Variants in CCDC14 observed in about 807,000 individuals in gnomAD.
CCDC14 encodes coiled-coil domain-containing protein 14.
CCDC14 carries 71 observed loss-of-function variants against 81.4 expected under a neutral mutation model. The ratio of observed to expected loss-of-function variants is 0.87; its 90% CI spans 0.72 to 1.06. CCDC14 has a LOEUF of 1.06. Among genes scored for constraint, CCDC14 ranks in the 50% least tolerant of loss-of-function variants. CCDC14 has a pLI of 0.00. For synonymous variants in CCDC14, 332 were observed against 364.8 expected, an observed-to-expected ratio of 0.91 and a Z score of 1.03; for missense variants, 1,046 against 1,047.3, an observed-to-expected ratio of 1.00 and a Z score of 0.02.
At chr3:123,936,902 C>T (rs2036086879) in intron 9 of CCDC14, among the ~76,000 whole-genome samples, 1 of 152,008 alleles carries the variant, frequency 6.6e-6, no homozygotes, top group Non-Finnish European at 1.5e-5. Flanking sequence ...TTTCATAACT[C>T]TCTCCTCCCA....
Position 123,949,075 on chromosome 3 carries a change from T to C in CCDC14, c.410A>G (p.Asp137Gly). Residue 137 changes from aspartate (D) to glycine (G), a missense_variant, in exon 6 of 13, where the codon GAC (aspartate) becomes GGC (glycine). By Grantham distance (94) the Asp-to-Gly change is moderately conservative. Transcript: ENST00000409697. Reference protein sequence around the residue: ...PNEASARSERDTSDLEQNWSL... With the variant: ...PNEASARSERGTSDLEQNWSL... ...CCAGTTTTGCTCTAGGTCTGATGTG[T>C]CTCTTTCACTTCTAGCAGAAGCTTC... 6.2e-7 allele frequency: 1 copy of C among 1,612,870 alleles called. No individual in the cohort carries two copies. Among genetic ancestry groups the C allele is most frequent in the African/African-American group, 1.3e-5 (1 of 75,048 alleles).
At chr3:123,935,464 A>G (rs937308234) in intron 9 of CCDC14, among the ~76,000 whole-genome samples, 11 of 152,238 alleles carry the variant, frequency 7.2e-5, no homozygotes, top group African/African-American at 2.7e-4. Flanking sequence ...TTGTAGATAC[A>G]TACAAGGATG....
At chr3:123,886,350 T>C in the CCDC14 span, among the ~76,000 whole-genome samples, 1 of 148,810 alleles carries the variant, frequency 6.7e-6, no homozygotes, top group East Asian at 1.9e-4. Flanking sequence ...CTCTCTCTTT[T>C]TCTTTCTTTT....
At chr3:123,923,979 A>C (rs976215815) in intron 12 of CCDC14, among the ~76,000 whole-genome samples, 4 of 151,042 alleles carry the variant, frequency 2.6e-5, no homozygotes, top group Admixed American at 1.3e-4. Context: ...AAAAAAAAAA[A>C]ACCCTTGAAA....
intron 9 of CCDC14, 32 bp from the exon 10 acceptor site, chr3:123,933,787 G>C: frequency 7.0e-7 from 1 of 1,431,862 alleles, no homozygotes; most frequent in Non-Finnish European, 9.6e-7. Flanking sequence ...ATGAATGCAA[G>C]CATACCAAGC....
chr3:123,950,720 G>C (rs911489221), intron 5 of CCDC14, among the ~76,000 whole-genome samples: 11 of 151,466 alleles, frequency 7.3e-5, no homozygotes, highest in African/African-American at 2.4e-4. Context: ...TGGCTACAGG[G>C]GTGTATACGT....
chr3:123,897,764 T>C (rs2034097403), intron 5 of CCDC14, among the ~76,000 whole-genome samples: 1 of 152,158 alleles, frequency 6.6e-6, no homozygotes, highest in Non-Finnish European at 1.5e-5. Context: ...ATACCTCCAT[T>C]CTAAAAACAC....
intron 9 of CCDC14, among the ~76,000 whole-genome samples, chr3:123,934,244 C>T (rs2035923341): frequency 8.5e-6 from 1 of 117,014 alleles, no homozygotes; most frequent in South Asian, 2.9e-4. Context: ...TGCATTCCAG[C>T]CTGGCGAAAG....
intron 9 of CCDC14, among the ~76,000 whole-genome samples, chr3:123,938,261 G>A (rs1327610797): frequency 6.6e-6 from 1 of 151,706 alleles, no homozygotes; most frequent in African/African-American, 2.4e-5. Context: ...TATGGATCTG[G>A]TTTATCTCTC....
chr3:123,933,815 T>C (rs2035891258), intron 9 of CCDC14, 60 bp from the exon 10 acceptor site: 5 of 1,066,658 alleles, frequency 4.7e-6, no homozygotes, highest in East Asian at 2.6e-5. Flanking sequence ...ATAGTATACA[T>C]GTGATAGCCT....
At chr3:123,899,121 T>A in intron 5 of CCDC14, among the ~76,000 whole-genome samples, 1 of 152,224 alleles carries the variant, frequency 6.6e-6, no homozygotes, top group East Asian at 1.9e-4. Flanking sequence ...GAAGTATAAA[T>A]GGAAAGAGCT....
chr3:123,937,604 A>C (rs988814055), intron 9 of CCDC14, among the ~76,000 whole-genome samples: 3 of 151,870 alleles, frequency 2.0e-5, no homozygotes, highest in African/African-American at 7.2e-5. Context: ...ATTTTCTCTC[A>C]GTCTGTTGGT....
rs575509181 is a variant in CCDC14, at chr3:123,917,520, A to G, written c.1779-1802T>C. On this transcript the variant is annotated intron_variant, in intron 12 of 12. Transcript: ENST00000409697. ...AACCAAAAAAAAAAACAAAAAACAA[A>G]AAAACCCAAAAAACCAATTTAAACA... Among the ~76,000 whole-genome samples, 392 of 150,592 alleles carry G rather than the reference A, an allele frequency of 2.6e-3. 2 individuals are homozygous for G. Among genetic ancestry groups the G allele is most frequent in the African/African-American group, 9.4e-3 (381 of 40,716 alleles).
intron 5 of CCDC14, chr3:123,954,249 ACT>A (rs1249682569): frequency 1.3e-5 from 2 of 152,090 alleles, no homozygotes; most frequent in Non-Finnish European, 2.9e-5. Flanking sequence ...AGGGTTTAGC[ACT>A]CTTTCTTCAA....
At position 123,945,885 on chromosome 3, in the gene CCDC14, A is replaced by C. The variant is rs1026689044; in HGVS notation, c.1202-895T>G. On this transcript the variant is annotated intron_variant, in intron 8 of 12. Coordinates refer to ENST00000409697, the MANE Select transcript of CCDC14 (RefSeq NM_001366335.1). ...GAGTCTCAGTTTCCTCATCAGTAAA[A>C]TGGGAGTGGTAACAGTACCACATAG... is the stretch of plus-strand genomic sequence containing the variant. Among the ~76,000 whole-genome samples the C allele has an allele frequency of 2.0e-5, 3 of 152,248 alleles. No homozygotes were observed. In the East Asian group the frequency reaches 5.8e-4, roughly 29 times the overall value.
chr3:123,923,409 A>G (rs1251344072), intron 12 of CCDC14, among the ~76,000 whole-genome samples: 1 of 152,050 alleles, frequency 6.6e-6, no homozygotes, highest in Non-Finnish European at 1.5e-5. Context: ...TCTTTTCAAC[A>G]TATTACTGGA....
chr3:123,934,067 G>A (rs2035908492), intron 9 of CCDC14, among the ~76,000 whole-genome samples: 1 of 152,064 alleles, frequency 6.6e-6, no homozygotes, highest in African/African-American at 2.4e-5. Flanking sequence ...GAGGTCAGGA[G>A]TTTGAGACTA....
downstream of CCDC14, among the ~76,000 whole-genome samples, chr3:123,893,734 T>C (rs571809519): frequency 1.0e-3 from 159 of 152,302 alleles, no homozygotes; most frequent in South Asian, 1.7e-3. Context: ...TAATATATAT[T>C]ATTTTCTATT....
chr3:123,947,274 T>C lies in CCDC14; in HGVS notation c.730A>G (p.Thr244Ala). 1 of 1,613,350 alleles carries C rather than the reference T, an allele frequency of 6.2e-7. No individual in the cohort carries two copies. Among genetic ancestry groups the C allele is most frequent in the Non-Finnish European group, 8.5e-7 (1 of 1,179,454 alleles). The change falls in exon 8 of 13, where the codon ACA becomes GCA. Residue 244 changes from threonine (T) to alanine (A), a missense_variant. Coordinates refer to ENST00000409697, the MANE Select transcript of CCDC14 (RefSeq NM_001366335.1). Reference sequence around the variant, plus strand: ...ACATCAGTACAGGTTGCAGAAACTGTTTTACCTTGTGATGCAAACTGACTG... The same window carrying C: ...ACATCAGTACAGGTTGCAGAAACTGCTTTACCTTGTGATGCAAACTGACTG... ...GNSQFASQGKTVSATCTDVLR... is the reference protein window; with the variant it reads ...GNSQFASQGKAVSATCTDVLR...
Sources: gnomAD v4.1 joint callset for allele counts (sites outside exome capture counted in the v4.1 genomes callset) on GRCh38, gnomAD v4.1.1 for gene constraint, MANE v1.5 for transcripts, NCBI Gene and HGNC (gene_info 2026-07-23, HGNC 2026-07-21) for gene names.